Variants in SRPX2 observed in about 807,000 individuals in gnomAD.
SRPX2 encodes sushi repeat-containing protein SRPX2.
A neutral mutation model predicts 45.3 loss-of-function variants in SRPX2; 26 were observed. The observed-to-expected ratio is 0.57, with a 90% CI of 0.42 to 0.80. The LOEUF (loss-of-function observed/expected upper bound fraction) is 0.80, where lower values mean the gene tolerates loss of function less well. SRPX2 is among the 30% of genes least tolerant of loss of function. SRPX2 has a pLI of 0.00. For synonymous variants in SRPX2, 125 were observed against 143.7 expected (o/e 0.87, Z 0.93); for missense variants, 355 against 399.8 (o/e 0.89, Z 0.95).
In SRPX2 at chrX:100,671,269, C is replaced by G; in HGVS notation, c.*282C>G. ...CCCTGCCCAGCTCTCCAAAGTCTTT[C>G]AGAAAAGTAAATCCTAAATTCAGTG... On this transcript the variant is annotated 3_prime_UTR_variant, in exon 11 of 11. Coordinates refer to ENST00000373004, the MANE Select transcript of SRPX2 (RefSeq NM_014467.3). 2.6e-6 allele frequency: 1 copy of G among 377,424 alleles called. No individual in the cohort carries two copies. Among genetic ancestry groups the G allele is most frequent in the Admixed American group, 4.3e-5 (1 of 23,176 alleles). The allele number at this position is 377,424 out of a possible 1,213,427, so 31.1% of individuals were successfully genotyped here.
At chrX:100,648,011 C>A (rs2083140758) in intron 2 of SRPX2, among the ~76,000 whole-genome samples, 1 of 112,436 alleles carries the variant, frequency 8.9e-6, no homozygotes, top group Non-Finnish European at 1.9e-5. Flanking sequence ...TTCATTCATT[C>A]CTTCAACAAA....
rs901870545 is a variant in SRPX2 at position 100,673,479 on chromosome X, G to C, written c.*2492G>C. ...ACCCAAAGGGGCTAGCCCGACCCCT[G>C]TATATATTGTACCTCTCTCTCTGCC... is the stretch of plus-strand genomic sequence containing the variant. On this transcript the variant is annotated 3_prime_UTR_variant, in exon 11 of 11. Transcript: ENST00000373004. 1 of 110,096 alleles carries C rather than the reference G, an allele frequency of 9.1e-6. No individual in the cohort carries two copies. The highest frequency in any genetic ancestry group is 1.9e-5 in the Non-Finnish European group (1 of 52,754). 9.1% of individuals were successfully genotyped at this position (110,096 alleles called of 1,213,427 possible). A position where few individuals can be genotyped will look rare whatever the true frequency, so the allele number is the denominator to read the frequency against.
chrX:100,646,268 T>C lies in SRPX2; in HGVS notation c.-55T>C. On this transcript the variant is annotated 5_prime_UTR_variant, in exon 2 of 11. Transcript: ENST00000373004. ...TTCTGAAAGTCACTTTCCTTTGCCC[T>C]GGTACTTCAGGCCATATACATCTTT... 2 of 1,110,982 alleles carry C rather than the reference T, an allele frequency of 1.8e-6. No individual in the cohort carries two copies. The highest frequency in any genetic ancestry group is 2.5e-6 in the Non-Finnish European group (2 of 805,525). 91.6% of individuals were successfully genotyped at this position (1,110,982 alleles called of 1,213,427 possible).
intron 10 of SRPX2, 33 bp downstream of exon 10, chrX:100,669,402 A>AGGG: frequency 1.5e-4 from 4 of 27,569 alleles, no homozygotes; most frequent in Admixed American, 1.0e-3. Context: ...ACTTGGGGGG[A>AGGG]GGGGGGGCTG....
intron 3 of SRPX2, chrX:100,651,245 C>A: frequency 5.5e-6 from 1 of 182,605 alleles, no homozygotes; most frequent in African/African-American, 2.9e-5. Context: ...GAAGCTATGT[C>A]ATAGCAGTAA....
intron 2 of SRPX2, chrX:100,650,313 AGTAATT>A (rs751398546): frequency 1.9e-3 from 261 of 136,151 alleles, no homozygotes; most frequent in African/African-American, 7.8e-3. Context: ...TGGAAGCCTG[AGTAATT>A]GTTTTTTTTT....
intron 4 of SRPX2, 104 bp downstream of exon 4, chrX:100,662,471 C>A (rs2083191711): frequency 2.1e-6 from 2 of 941,660 alleles, no homozygotes; most frequent in South Asian, 4.1e-5. Flanking sequence ...GCCCTTCTCT[C>A]AAGTACAAAT....
chrX:100,663,500 C>CAA (rs2083194423), intron 4 of SRPX2, among the ~76,000 whole-genome samples: 1 of 111,920 alleles, frequency 8.9e-6, no homozygotes, highest in Non-Finnish European at 1.9e-5. Flanking sequence ...TCTGAAGAGA[C>CAA]AAATCTTTTG....
At chrX:100,654,431 G>A (rs2083162511) in intron 3 of SRPX2, among the ~76,000 whole-genome samples, 1 of 111,428 alleles carries the variant, frequency 9.0e-6, no homozygotes, top group Non-Finnish European at 1.9e-5. Flanking sequence ...ATTTGAAGAT[G>A]GTGTCTCCAG....
intron 2 of SRPX2, 125 bp downstream of exon 2, chrX:100,646,529 C>A: frequency 1.5e-6 from 1 of 680,935 alleles, no homozygotes; most frequent in Non-Finnish European, 2.3e-6. Context: ...TATTAAAGGA[C>A]AATAAAGATG....
At chrX:100,654,343 G>A (rs6616171) in intron 3 of SRPX2, among the ~76,000 whole-genome samples, 1 of 109,559 alleles carries the variant, frequency 9.1e-6, no homozygotes, top group African/African-American at 3.3e-5. Context: ...ACAACCTGAG[G>A]CCCCAGCCTC....
chrX:100,665,406 T>G, intron 6 of SRPX2, 37 bp downstream of exon 6: 1 of 1,206,130 alleles, frequency 8.3e-7, no homozygotes, highest in Non-Finnish European at 1.1e-6. Context: ...ATGCCTTCCC[T>G]CGGCTTCTCT....
At chrX:100,652,640 G>C (rs753978130) in intron 3 of SRPX2, among the ~76,000 whole-genome samples, 17 of 111,741 alleles carry the variant, frequency 1.5e-4, no homozygotes, top group Non-Finnish European at 3.0e-4. Context: ...AAAGGAAGGG[G>C]TAAGAGATAA....
In SRPX2 at chrX:100,670,879, C is replaced by A. The variant is rs1490971650; in HGVS notation, c.1290C>A (p.Arg430=). 2.5e-6 allele frequency: 3 copies of A among 1,209,675 alleles called. No individual in the cohort carries two copies. The highest frequency in any genetic ancestry group is 4.4e-5 in the Admixed American group (2 of 45,725). Residue 430 remains arginine (R), a synonymous_variant, in exon 11 of 11, where the codon CGC becomes CGA. Transcript: ENST00000373004. The stretch of plus-strand genomic sequence containing the variant: ...ACAAGCAGGGTATTGACCGAGACCG[C>A]TACATGGAACCTGTCACCCCCGAGG... ...LIDKQGIDRD[R]YMEPVTPEEI...
At position 100,644,288 on chromosome X, in the gene SRPX2, G is replaced by A. The variant is rs1376646241; in HGVS notation, c.-358G>A. The stretch of plus-strand genomic sequence containing the variant: ...ATCTTTCTAAAACCCTTCTCTGAGA[G>A]AGGAATAACTATAGCTTCAGGGATA... On this transcript the variant is annotated 5_prime_UTR_variant, in exon 1 of 11. Transcript: ENST00000373004. 3 of 111,766 alleles carry A rather than the reference G, an allele frequency of 2.7e-5. No individual in the cohort carries two copies. Among genetic ancestry groups the A allele is most frequent in the African/African-American group, 9.8e-5 (3 of 30,716 alleles). 9.2% of individuals were successfully genotyped at this position (111,766 alleles called of 1,213,427 possible). A position where few individuals can be genotyped will look rare whatever the true frequency, so the allele number is the denominator to read the frequency against.
At chrX:100,658,873 C>T (rs934409006) in intron 3 of SRPX2, among the ~76,000 whole-genome samples, 1 of 111,783 alleles carries the variant, frequency 8.9e-6, no homozygotes, top group African/African-American at 3.3e-5. Context: ...ATGGAATTGC[C>T]TTCTTGATTT....
intron 3 of SRPX2, among the ~76,000 whole-genome samples, chrX:100,656,989 G>A (rs1390877829): frequency 2.8e-5 from 3 of 109,061 alleles, no homozygotes; most frequent in South Asian, 4.1e-4. Flanking sequence ...GTGCAGTGGC[G>A]CCATCTCGGC....
At position 100,671,026 on chromosome X, in the gene SRPX2, C is replaced by A. The variant is rs1398456688; in HGVS notation, c.*39C>A. The A allele has an allele frequency of 8.5e-7, 1 of 1,170,594 alleles. No homozygotes were observed. Among genetic ancestry groups the A allele is most frequent in the Non-Finnish European group, 1.2e-6 (1 of 868,930 alleles). ...CATGGTTAAAGTCAAGGGAAAAGCT[C>A]CTCTAGTTAGCTGAAACTGGGACCT... is the stretch of plus-strand genomic sequence containing the variant. On this transcript the variant is annotated 3_prime_UTR_variant, in exon 11 of 11. Transcript: ENST00000373004.
chrX:100,664,361 C>A (rs1051550735), intron 4 of SRPX2, among the ~76,000 whole-genome samples: 1 of 111,073 alleles, frequency 9.0e-6, no homozygotes, highest in African/African-American at 3.3e-5. Context: ...CACACATGTA[C>A]AGCCTCCCCT....
Sources: gnomAD v4.1 joint callset for allele counts (sites outside exome capture counted in the v4.1 genomes callset) on GRCh38, gnomAD v4.1.1 for gene constraint, MANE v1.5 for transcripts, NCBI Gene and HGNC (gene_info 2026-07-23, HGNC 2026-07-21) for gene names.